Variants in GRIP1 observed in about 807,000 individuals in gnomAD.
GRIP1 encodes glutamate receptor interacting protein 1, also known as glutamate receptor-interacting protein 1.
In GRIP1, 45 loss-of-function variants were observed where a neutral mutation model predicts 129.9. The observed-to-expected ratio is 0.35, with a 90% CI of 0.27 to 0.44. The LOEUF (loss-of-function observed/expected upper bound fraction) is 0.44. Among genes scored for constraint, GRIP1 ranks in the 20% least tolerant of loss-of-function variants. GRIP1 has a pLI of 1.00. For missense variants in GRIP1, 1,196 were observed against 1,396.8 expected (o/e 0.86, Z 2.29); for synonymous variants, 530 against 520.8 (o/e 1.02, Z -0.24).
At chr12:66,778,876 T>C (rs1233749666) in intron 1 of GRIP1, among the ~76,000 whole-genome samples, 4 of 152,134 alleles carry the variant, frequency 2.6e-5, no homozygotes, top group Admixed American at 2.6e-4. Context: ...ACCAACACTG[T>C]CCAGATGTGA....
At chr12:67,038,548 TCTA>T (rs2043131745) in intron 1 of GRIP1, among the ~76,000 whole-genome samples, 1 of 152,228 alleles carries the variant, frequency 6.6e-6, no homozygotes, top group Non-Finnish European at 1.5e-5. Flanking sequence ...TTTCCTAATG[TCTA>T]CTAACTGCCT....
chr12:66,362,947 G>T (rs187622753), intron 23 of GRIP1, among the ~76,000 whole-genome samples: 2 of 151,670 alleles, frequency 1.3e-5, no homozygotes, highest in Admixed American at 6.6e-5. Flanking sequence ...ATTCTGTCTG[G>T]TAGAGATGCA....
chr12:66,392,445 C>T lies in GRIP1; in HGVS notation c.2327G>A (p.Gly776Glu), dbSNP rs181365280. Residue 776 changes from glycine to glutamate, a missense_variant, in exon 19 of 25, where the codon GGG becomes GAG. Physicochemically the swap from Gly to Glu is moderately conservative, Grantham distance 98. Coordinates refer to ENST00000359742, the MANE Select transcript of GRIP1 (RefSeq NM_001366722.1). ...FPISSHLSDL[G>E]DVEEDSSPAQ... The stretch of plus-strand genomic sequence containing the variant: ...TGGTGAGGAGTCCTCCTCCACATCC[C>T]CCAGGTCACTCAAATGGCTAGAAAT... The T allele has an allele frequency of 3.8e-5, 62 of 1,614,116 alleles. 2 individuals carry two copies. Among genetic ancestry groups the T allele is most frequent in the Admixed American group, 1.7e-4 (10 of 60,016 alleles).
rs2054029752 is a variant in GRIP1, at chr12:66,347,663, T to C, written c.*1356A>G. ...TTAAGTGACTCATGATCTTTTTTTCTTTTTTCTTAACATGATCCTGCTTTA... is the reference window on the plus strand; with the variant it reads ...TTAAGTGACTCATGATCTTTTTTTCCTTTTTCTTAACATGATCCTGCTTTA... On this transcript the variant is annotated 3_prime_UTR_variant, in exon 25 of 25. Transcript: ENST00000359742. The C allele has an allele frequency of 6.6e-6, 1 of 152,228 alleles. No individual in the cohort carries two copies. Among genetic ancestry groups the C allele is most frequent in the Non-Finnish European group, 1.5e-5 (1 of 68,032 alleles). The allele number at this position is 152,228 out of a possible 1,614,324, so 9.4% of individuals were successfully genotyped here. A position where few individuals can be genotyped will look rare whatever the true frequency, so the allele number is the denominator to read the frequency against.
chr12:66,444,202 C>T (rs1398178023), intron 13 of GRIP1, among the ~76,000 whole-genome samples: 1 of 152,150 alleles, frequency 6.6e-6, no homozygotes, highest in Middle Eastern at 3.2e-3. Context: ...ATAGTTTCCT[C>T]TTGGCCGGGC....
chr12:66,426,668 T>A (rs560812314), intron 14 of GRIP1, among the ~76,000 whole-genome samples: 33 of 152,224 alleles, frequency 2.2e-4, no homozygotes, highest in Admixed American at 1.4e-3. Flanking sequence ...TATTAAAGAG[T>A]GTGGTCCTAA....
chr12:66,780,391 G>C (rs1015066233), intron 1 of GRIP1, among the ~76,000 whole-genome samples: 4 of 152,160 alleles, frequency 2.6e-5, no homozygotes, highest in Non-Finnish European at 5.9e-5. Flanking sequence ...GAGGGCTATG[G>C]GCTCACGGCA....
At chr12:66,732,658 T>G (rs1312331239) in intron 1 of GRIP1, among the ~76,000 whole-genome samples, 1 of 152,202 alleles carries the variant, frequency 6.6e-6, no homozygotes, top group Non-Finnish European at 1.5e-5. Context: ...TTAACACTTT[T>G]TCTCTAGCTT....
At position 66,456,316 on chromosome 12, in the gene GRIP1, G is replaced by A. The variant is rs1457416539; in HGVS notation, c.1069C>T (p.Leu357Phe). 1.4e-5 allele frequency: 18 copies of A among 1,289,470 alleles called. No homozygotes were observed. Among genetic ancestry groups the A allele is most frequent in the Non-Finnish European group, 1.8e-5 (18 of 988,436 alleles). 79.9% of individuals were successfully genotyped at this position (1,289,470 alleles called of 1,614,324 possible). Residue 357 changes from leucine to phenylalanine, a missense_variant, in exon 10 of 25, where the codon CTT becomes TTT. Around this residue, in one of 5 missense-constraint regions of GRIP1, gnomAD observed 508 missense variants for 587.0 expected, o/e 0.87. Transcript: ENST00000359742. ...TTGCTGGCCCAGGAATCCCAGGTAAGTTGCCTGTCGCTCCTCTGAATTTTC... is the reference window on the plus strand; with the variant it reads ...TTGCTGGCCCAGGAATCCCAGGTAAATTGCCTGTCGCTCCTCTGAATTTTC... ...HVKIQRSDRQ[L>F]TWDSWASNHS...
chr12:66,827,363 G>GGTGT (rs34267289), intron 1 of GRIP1, among the ~76,000 whole-genome samples: 9,562 of 137,662 alleles, frequency 0.069, 497 homozygotes, highest in East Asian at 0.19. Context: ...CTCAAAACCA[G>GGTGT]GTGTGTGTGT....
intron 1 of GRIP1, among the ~76,000 whole-genome samples, chr12:66,833,743 CACA>C (rs2039559416): frequency 6.6e-6 from 1 of 152,026 alleles, no homozygotes; most frequent in South Asian, 2.1e-4. Flanking sequence ...TAAAACAAGT[CACA>C]ACATTATTTA....
intron 1 of GRIP1, among the ~76,000 whole-genome samples, chr12:66,937,615 A>C (rs1336103908): frequency 6.6e-6 from 1 of 152,244 alleles, no homozygotes. Flanking sequence ...AGATGATAAC[A>C]GAATGCTATT....
chr12:66,445,453 G>T lies in GRIP1; in HGVS notation c.1410C>A (p.Thr470=), dbSNP rs1437130402. The change falls in exon 12 of 25, where the codon ACC becomes ACA. Residue 470 remains threonine, a synonymous_variant. Transcript: ENST00000359742. ...GLAGQVVHTE[T]TEVVLTADPV... is the part of the protein sequence containing the mutation. Reference sequence around the variant, plus strand: ...GATCTGCCGTCAGCACAACCTCTGTGGTTTCTGTGTGAACAACCTGCCCAG... The same window carrying T: ...GATCTGCCGTCAGCACAACCTCTGTTGTTTCTGTGTGAACAACCTGCCCAG... 3 of 1,614,092 alleles carry T rather than the reference G, an allele frequency of 1.9e-6. No homozygotes were observed.
At chr12:66,580,523 C>T (rs571293403) in intron 2 of GRIP1, among the ~76,000 whole-genome samples, 5 of 152,156 alleles carry the variant, frequency 3.3e-5, no homozygotes, top group Middle Eastern at 3.4e-3. Flanking sequence ...ATCTCACATG[C>T]AGAGACACAC....
intron 1 of GRIP1, among the ~76,000 whole-genome samples, chr12:66,712,994 G>T (rs1341998967): frequency 2.0e-5 from 3 of 151,976 alleles, no homozygotes; most frequent in Admixed American, 2.0e-4. Context: ...AAAGCATGAT[G>T]AGTGAACATG....
At chr12:66,465,521 T>C in intron 7 of GRIP1, 99 bp from the exon 8 acceptor site, 1 of 1,012,774 alleles carries the variant, frequency 9.9e-7, no homozygotes, top group Non-Finnish European at 1.5e-6. Context: ...GTTAGCCTGT[T>C]AATTTTATCA....
chr12:66,691,385 T>C (rs1053813756), intron 1 of GRIP1, among the ~76,000 whole-genome samples: 10 of 152,134 alleles, frequency 6.6e-5, no homozygotes, highest in African/African-American at 2.2e-4. Context: ...GTTTCTTCCA[T>C]AAAGCAAAGG....
chr12:66,506,577 T>C (rs559187392), intron 7 of GRIP1, among the ~76,000 whole-genome samples: 2 of 152,310 alleles, frequency 1.3e-5, no homozygotes, highest in African/African-American at 4.8e-5. Flanking sequence ...ATAATAATTA[T>C]GTTTCATTTC....
At chr12:66,854,910 G>A (rs1360036980) in intron 1 of GRIP1, among the ~76,000 whole-genome samples, 2 of 151,966 alleles carry the variant, frequency 1.3e-5, no homozygotes, top group African/African-American at 4.8e-5. Context: ...TCACTATTGA[G>A]TTCATATCCC....
Sources: allele counts gnomAD v4.1 joint callset (sites outside exome capture counted in the v4.1 genomes callset), GRCh38; gene constraint gnomAD v4.1.1; regional missense constraint gnomAD v4.1.1; transcripts MANE v1.5; gene names NCBI Gene and HGNC (gene_info 2026-07-23, HGNC 2026-07-21).